COL5A2: variants seen among roughly 807,000 people sequenced by gnomAD.
The protein encoded by COL5A2 is collagen alpha-2(V) chain.
Under a neutral mutation model 208.2 loss-of-function variants are expected in COL5A2, and 23 were observed. That is an observed-to-expected ratio of 0.11 (90% confidence interval 0.08 to 0.16). The LOEUF (loss-of-function observed/expected upper bound fraction) is 0.16, where lower values mean the gene tolerates loss of function less well. Among genes scored for constraint, COL5A2 ranks in the 10% least tolerant of loss-of-function variants. The pLI is 1.00. For missense variants in COL5A2, 1,590 were observed against 1,956.4 expected (o/e 0.81, Z 3.53); for synonymous variants, 625 against 628.5 (o/e 0.99, Z 0.08).
the COL5A2 span, among the ~76,000 whole-genome samples, chr2:189,316,895 G>T: frequency 1.6e-4 from 25 of 151,770 alleles, no homozygotes; most frequent in Non-Finnish European, 3.7e-4. Context: ...AGTGTAGTCA[G>T]ATTGTTTGTA....
At chr2:189,371,961 A>T in the COL5A2 span, among the ~76,000 whole-genome samples, 1 of 152,232 alleles carries the variant, frequency 6.6e-6, no homozygotes, top group African/African-American at 2.4e-5. Flanking sequence ...AAGATATTTC[A>T]GAGATCTTAG....
intron 15 of COL5A2, among the ~76,000 whole-genome samples, 168 bp from the exon 16 acceptor site, chr2:189,078,737 A>C (rs560958775): frequency 6.6e-6 from 1 of 152,292 alleles, no homozygotes; most frequent in Admixed American, 6.5e-5. Flanking sequence ...GGAGATAAAT[A>C]ACCTATCACC....
the COL5A2 span, among the ~76,000 whole-genome samples, chr2:189,258,945 T>C: frequency 2.0e-5 from 3 of 152,260 alleles, no homozygotes; most frequent in African/African-American, 7.2e-5. Flanking sequence ...CTGCCAAATC[T>C]TCACTCATTT....
At chr2:189,425,141 A>G in the COL5A2 span, among the ~76,000 whole-genome samples, 1 of 152,198 alleles carries the variant, frequency 6.6e-6, no homozygotes, top group Non-Finnish European at 1.5e-5. Context: ...ATGCAAAACC[A>G]CAAGGAGGTA....
chr2:189,139,044 G>C (rs143560461), intron 1 of COL5A2, among the ~76,000 whole-genome samples: 2 of 152,246 alleles, frequency 1.3e-5, no homozygotes, highest in African/African-American at 4.8e-5. Context: ...AAAGGGTACA[G>C]AATGGAAAAG....
the COL5A2 span, among the ~76,000 whole-genome samples, chr2:189,241,372 A>C: frequency 6.6e-6 from 1 of 152,194 alleles, no homozygotes; most frequent in African/African-American, 2.4e-5. Context: ...GGATCTATAA[A>C]AATAAAATAA....
intron 40 of COL5A2, 56 bp from the exon 41 acceptor site, chr2:189,052,281 T>C (rs909984963): frequency 1.3e-6 from 2 of 1,531,496 alleles, no homozygotes; most frequent in Admixed American, 1.7e-5. Context: ...TAGTTACATG[T>C]ATTTTCCTGG....
chr2:189,343,635 C>T, the COL5A2 span, among the ~76,000 whole-genome samples: 2 of 152,102 alleles, frequency 1.3e-5, no homozygotes, highest in South Asian at 2.1e-4. Context: ...AAAACTGAGA[C>T]ATTAGACAAA....
At position 189,100,149 on chromosome 2, in the gene COL5A2, T is replaced by G. The variant is rs758618235; in HGVS notation, c.337-10A>C. On this transcript the variant is annotated splice_polypyrimidine_tract_variant and intron_variant, in intron 3 of 53. Coordinates refer to ENST00000374866, the MANE Select transcript of COL5A2 (RefSeq NM_000393.5). ...GTTCTCCCTTTTGTCCCTGTGACAT[T>G]AAAAACAATTCAAAAATTCAATTAG... 20 of 1,609,692 alleles carry G rather than the reference T, an allele frequency of 1.2e-5. No homozygotes were observed. The highest frequency in any genetic ancestry group is 1.6e-5 in the Non-Finnish European group (19 of 1,176,278).
intron 1 of COL5A2, among the ~76,000 whole-genome samples, chr2:189,122,969 AT>A (rs11344015): frequency 0.77 from 115,324 of 150,030 alleles, 47,583 homozygotes; most frequent in Non-Finnish European, 0.91. Flanking sequence ...AAAGTATTTA[AT>A]TTTTTTTTTT....
rs757405120 is a variant in COL5A2, at chr2:189,064,639, C to T, written c.1634G>A (p.Arg545Gln). The T allele has an allele frequency of 3.7e-6, 6 of 1,613,474 alleles. No homozygotes were observed. The South Asian group carries it at 4.4e-5, about 12-fold the overall frequency. ...LPGPKGAQGE[R>Q]GPVGSSGPKG... ...GGGTCCTGAAGAACCTACAGGACCC[C>T]GTTCTCCTTGAGCACCCTGTACCGA... Residue 545 changes from arginine to glutamine, a missense_variant, in exon 25 of 54, where the codon CGG (arginine) becomes CAG (glutamine). Transcript: ENST00000374866.
chr2:189,066,535 T>C lies in COL5A2; in HGVS notation c.1456-38A>G, dbSNP rs374474382. On this transcript the variant is annotated intron_variant, in intron 22 of 53. Coordinates refer to ENST00000374866, the MANE Select transcript of COL5A2 (RefSeq NM_000393.5). Reference sequence around the variant, plus strand: ...GAAGGACAGTTACCAGAAAGACCCATCCAACCAGTGAATTATAGTTGGAAG... The same window carrying C: ...GAAGGACAGTTACCAGAAAGACCCACCCAACCAGTGAATTATAGTTGGAAG... 5.6e-6 allele frequency: 9 copies of C among 1,596,336 alleles called. No individual in the cohort carries two copies. The African/African-American group carries it at 1.1e-4, about 19-fold the overall frequency.
At chr2:189,379,754 C>T in the COL5A2 span, among the ~76,000 whole-genome samples, 1 of 152,298 alleles carries the variant, frequency 6.6e-6, no homozygotes, top group South Asian at 2.1e-4. Context: ...AGATATATAA[C>T]TCCAAGCTCG....
the COL5A2 span, among the ~76,000 whole-genome samples, chr2:189,256,216 T>G: frequency 6.6e-6 from 1 of 152,144 alleles, no homozygotes; most frequent in Non-Finnish European, 1.5e-5. Context: ...TGGAAAGAGA[T>G]GGAATAAATG....
At chr2:189,216,917 T>C (rs10173224) in intron 1 of COL5A2, among the ~76,000 whole-genome samples, 22,548 of 152,032 alleles carry the variant, frequency 0.15, 2,861 homozygotes, top group African/African-American at 0.34. Flanking sequence ...CATGGATACT[T>C]CACTGAGCAG....
the COL5A2 span, among the ~76,000 whole-genome samples, chr2:189,432,740 T>G: frequency 6.6e-6 from 1 of 152,190 alleles, no homozygotes; most frequent in Non-Finnish European, 1.5e-5. Context: ...TGGGAGACTT[T>G]AACACCCCAC....
At chr2:189,250,291 T>C in the COL5A2 span, among the ~76,000 whole-genome samples, 2 of 152,102 alleles carry the variant, frequency 1.3e-5, no homozygotes, top group African/African-American at 4.8e-5. Flanking sequence ...AACACCCCAT[T>C]TTACAGATGA....
At chr2:189,207,862 T>C (rs1484689966) in intron 1 of COL5A2, among the ~76,000 whole-genome samples, 1 of 152,188 alleles carries the variant, frequency 6.6e-6, no homozygotes, top group African/African-American at 2.4e-5. Context: ...TTTGAATTTT[T>C]TTCTCACTGT....
At chr2:189,287,050 G>A in the COL5A2 span, among the ~76,000 whole-genome samples, 1 of 151,938 alleles carries the variant, frequency 6.6e-6, no homozygotes. Context: ...GAGACAACCT[G>A]CCCAAATTTA....
Sources: gnomAD v4.1 joint callset for allele counts (sites outside exome capture counted in the v4.1 genomes callset) on GRCh38, gnomAD v4.1.1 for gene constraint, MANE v1.5 for transcripts, NCBI Gene and HGNC (gene_info 2026-07-23, HGNC 2026-07-21) for gene names.